Variants in TENM1 observed in about 807,000 individuals in gnomAD.
TENM1 encodes the protein teneurin transmembrane protein 1.
Under a neutral mutation model 174.8 loss-of-function variants are expected in TENM1, and 35 were observed. That is an observed-to-expected ratio of 0.20 (90% CI 0.15 to 0.27). The LOEUF is 0.27. Ranked by LOEUF, TENM1 falls within the 10% of genes least tolerant of loss-of-function variation. The pLI, the probability that TENM1 is intolerant of heterozygous loss-of-function variation, is 1.00. For synonymous variants in TENM1, 781 were observed against 798.7 expected (o/e 0.98, Z 0.37); for missense variants, 1,633 against 2,130.1 (o/e 0.77, Z 4.59).
At chrX:124,782,443 C>G (rs1276392326) in intron 3 of TENM1, among the ~76,000 whole-genome samples, 4 of 110,574 alleles carry the variant, frequency 3.6e-5, no homozygotes, top group African/African-American at 9.9e-5. Context: ...ACTCTTACCC[C>G]CCTCCCATGA....
At chrX:125,152,316 T>C in the TENM1 span, among the ~76,000 whole-genome samples, 1 of 109,376 alleles carries the variant, frequency 9.1e-6, no homozygotes, top group East Asian at 2.8e-4. Flanking sequence ...TGTATGGGAG[T>C]TTAAGAAAGT....
At chrX:125,042,937 GTTAATTGCAT>G in the TENM1 span, among the ~76,000 whole-genome samples, 1 of 111,443 alleles carries the variant, frequency 9.0e-6, no homozygotes, top group Non-Finnish European at 1.9e-5. Flanking sequence ...CACTATGCAA[GTTAATTGCAT>G]TTACTTGCAA....
chrX:125,175,492 T>C, the TENM1 span, among the ~76,000 whole-genome samples: 1 of 111,777 alleles, frequency 8.9e-6, no homozygotes, highest in African/African-American at 3.2e-5. Context: ...GGATACCAAA[T>C]TATTCGAGAA....
intron 27 of TENM1, among the ~76,000 whole-genome samples, chrX:124,398,624 CT>C (rs1489788039): frequency 2.0e-5 from 2 of 100,115 alleles, no homozygotes; most frequent in Non-Finnish European, 4.2e-5. Flanking sequence ...GCAGGATTTT[CT>C]TTTTTTCTTT....
chrX:125,005,195 C>T, the TENM1 span, among the ~76,000 whole-genome samples: 10 of 64,580 alleles, frequency 1.5e-4, no homozygotes, highest in African/African-American at 4.7e-4. Context: ...TACATACACA[C>T]ACACACACAC....
intron 16 of TENM1, 86 bp downstream of exon 19, chrX:124,529,778 T>C (rs1167621090): frequency 1.8e-6 from 2 of 1,120,608 alleles, no homozygotes; most frequent in Non-Finnish European, 1.2e-6. Context: ...GGGTTTACCA[T>C]CACTGTATCA....
At chrX:124,825,149 GCTGA>G (rs1385254860) in intron 3 of TENM1, among the ~76,000 whole-genome samples, 3 of 101,919 alleles carry the variant, frequency 2.9e-5, no homozygotes, top group Non-Finnish European at 5.9e-5. Flanking sequence ...TCATACATAA[GCTGA>G]CTTTCTTTTT....
At chrX:125,182,561 T>G in the TENM1 span, among the ~76,000 whole-genome samples, 1 of 110,247 alleles carries the variant, frequency 9.1e-6, no homozygotes, top group Non-Finnish European at 1.9e-5. Flanking sequence ...TTTTGATATA[T>G]GAATCTTTTA....
intron 11 of TENM1, among the ~76,000 whole-genome samples, chrX:124,583,350 T>C (rs758743067): frequency 0.01 from 1,148 of 111,318 alleles, 21 homozygotes; most frequent in African/African-American, 0.035. Context: ...TCCAGAGGAA[T>C]GATCAGACAG....
intron 22 of TENM1, among the ~76,000 whole-genome samples, chrX:124,468,806 G>A (rs937566681): frequency 4.5e-5 from 5 of 111,644 alleles, no homozygotes; most frequent in African/African-American, 1.3e-4. Flanking sequence ...ATAAAAACAC[G>A]TAAATTATAT....
chrX:125,092,739 T>C, the TENM1 span, among the ~76,000 whole-genome samples: 1 of 111,966 alleles, frequency 8.9e-6, no homozygotes, highest in Non-Finnish European at 1.9e-5. Context: ...CACAGATCAA[T>C]TTATAAAAAC....
At chrX:125,154,874 G>C in the TENM1 span, among the ~76,000 whole-genome samples, 1 of 110,991 alleles carries the variant, frequency 9.0e-6, no homozygotes, top group East Asian at 2.8e-4. Context: ...GCTGGCTTCA[G>C]GAGTGAAGCT....
intron 9 of TENM1, among the ~76,000 whole-genome samples, chrX:124,646,330 T>C (rs2051157660): frequency 8.9e-6 from 1 of 112,188 alleles, no homozygotes; most frequent in Non-Finnish European, 1.9e-5. Flanking sequence ...GTCAGCTCAT[T>C]ATGAATTAGT....
chrX:124,562,228 T>C (rs2048834157), intron 13 of TENM1, among the ~76,000 whole-genome samples: 1 of 112,008 alleles, frequency 8.9e-6, no homozygotes, highest in African/African-American at 3.2e-5. Context: ...CTTTCCCTAC[T>C]ACTTCTAGTC....
At chrX:124,386,036 C>T (rs753712664) in exon 29 of TENM1, 9 of 1,198,107 alleles carry the variant, frequency 7.5e-6, no homozygotes, top group African/African-American at 3.5e-5. Context: ...GATGTAACGC[C>T]GCTGGCTGTG....
chrX:124,479,900 T>G (rs995684709), intron 22 of TENM1, among the ~76,000 whole-genome samples: 3 of 112,071 alleles, frequency 2.7e-5, no homozygotes, highest in Non-Finnish European at 5.6e-5. Context: ...ATTAAATACT[T>G]ATTGTGGACC....
chrX:124,522,693 T>C (rs913979471), intron 17 of TENM1, among the ~76,000 whole-genome samples: 2 of 107,386 alleles, frequency 1.9e-5, no homozygotes, highest in African/African-American at 6.9e-5. Flanking sequence ...AGATTTCTTT[T>C]TTTTTTTTTT....
At chrX:124,860,172 C>T (rs1313813967) in intron 3 of TENM1, among the ~76,000 whole-genome samples, 2 of 111,744 alleles carry the variant, frequency 1.8e-5, no homozygotes, top group African/African-American at 3.3e-5. Context: ...ACATAGTGAC[C>T]TCACACATTA....
intron 11 of TENM1, among the ~76,000 whole-genome samples, chrX:124,611,061 A>C (rs1198056801): frequency 9.0e-6 from 1 of 111,251 alleles, no homozygotes; most frequent in Non-Finnish European, 1.9e-5. Context: ...ATTAGGTTGC[A>C]GATGACCCAC....
Sources: gnomAD v4.1 joint callset for allele counts (sites outside exome capture counted in the v4.1 genomes callset) on GRCh38, gnomAD v4.1.1 for gene constraint, MANE v1.5 for transcripts, NCBI Gene and HGNC (gene_info 2026-07-23, HGNC 2026-07-21) for gene names.